The following PLEKHA7 variants were observed in gnomAD, a reference collection of about 807,000 sequenced individuals.
PLEKHA7 encodes the protein pleckstrin homology domain containing A7, also known as pleckstrin homology domain-containing family A member 7.
PLEKHA7 carries 104 observed loss-of-function variants against 170.0 expected under a neutral mutation model. That is an observed-to-expected ratio of 0.61 (90% confidence interval 0.52 to 0.72). The LOEUF (loss-of-function observed/expected upper bound fraction) is 0.72. PLEKHA7 is among the 30% of genes least tolerant of loss of function. PLEKHA7 has a pLI of 0.00. For missense variants in PLEKHA7, 1,615 were observed against 1,671.7 expected (o/e 0.97, Z 0.59); for synonymous variants, 648 against 660.8 (o/e 0.98, Z 0.30).
chr11:16,834,806 G>A (rs920256443), intron 9 of PLEKHA7, among the ~76,000 whole-genome samples: 1 of 152,160 alleles, frequency 6.6e-6, no homozygotes, highest in African/African-American at 2.4e-5. Flanking sequence ...ATGGCCAGTA[G>A]AAGAATATGG....
chr11:16,947,917 AAAAAAAAAAAAAAAAG>A (rs1281679872), intron 3 of PLEKHA7, among the ~76,000 whole-genome samples: 2 of 148,558 alleles, frequency 1.3e-5, no homozygotes, highest in Admixed American at 6.7e-5. Flanking sequence ...CTCCGTCTCA[AAAAAAAAAAAAAAAAG>A]AAAAAAAAGA....
intron 3 of PLEKHA7, among the ~76,000 whole-genome samples, chr11:16,921,441 C>T (rs1859084647): frequency 6.6e-6 from 1 of 152,114 alleles, no homozygotes; most frequent in Non-Finnish European, 1.5e-5. Context: ...CAGAGAGGGG[C>T]ACAAAAATAG....
intron 6 of PLEKHA7, among the ~76,000 whole-genome samples, chr11:16,853,377 A>AT (rs1173932302): frequency 1.3e-5 from 2 of 152,220 alleles, no homozygotes; most frequent in African/African-American, 2.4e-5. Flanking sequence ...TATCTGTTTC[A>AT]TCTTCTGCAA....
chr11:16,912,846 G>A (rs1349889402), intron 3 of PLEKHA7, among the ~76,000 whole-genome samples: 2 of 152,212 alleles, frequency 1.3e-5, no homozygotes, highest in Non-Finnish European at 2.9e-5. Flanking sequence ...TCTTTCCTGT[G>A]TGACTCGCTC....
chr11:16,967,097 A>C (rs747669939), intron 3 of PLEKHA7, among the ~76,000 whole-genome samples: 2 of 152,234 alleles, frequency 1.3e-5, no homozygotes, highest in Non-Finnish European at 2.9e-5. Context: ...ACAGAAATGC[A>C]GAAAGCATTC....
chr11:16,993,904 G>T (rs761575278), intron 3 of PLEKHA7, among the ~76,000 whole-genome samples: 1 of 152,194 alleles, frequency 6.6e-6, no homozygotes, highest in Non-Finnish European at 1.5e-5. Flanking sequence ...TTTAAGGAAG[G>T]GGGAGGAAAC....
chr11:16,978,741 C>T (rs953989755), intron 3 of PLEKHA7, among the ~76,000 whole-genome samples: 5 of 152,192 alleles, frequency 3.3e-5, no homozygotes, highest in African/African-American at 9.6e-5. Flanking sequence ...CCTGGAAGGA[C>T]GGAGTCACCA....
At chr11:16,899,617 C>A (rs1857204508) in intron 3 of PLEKHA7, among the ~76,000 whole-genome samples, 1 of 152,102 alleles carries the variant, frequency 6.6e-6, no homozygotes, top group East Asian at 1.9e-4. Flanking sequence ...AGGAATGAGG[C>A]CTGGGAAAGG....
chr11:16,860,362 G>A (rs974650994), intron 4 of PLEKHA7, among the ~76,000 whole-genome samples: 2 of 152,146 alleles, frequency 1.3e-5, no homozygotes, highest in Non-Finnish European at 2.9e-5. Context: ...GGTGGGTTTG[G>A]TCAATGAGAT....
chr11:16,866,598 A>T (rs963270876), intron 4 of PLEKHA7, among the ~76,000 whole-genome samples: 1 of 151,368 alleles, frequency 6.6e-6, no homozygotes, highest in African/African-American at 2.4e-5. Context: ...GTCTCAAAAA[A>T]CAAAAAAGAG....
chr11:16,897,089 A>G (rs1259919739), intron 3 of PLEKHA7, among the ~76,000 whole-genome samples: 6 of 152,206 alleles, frequency 3.9e-5, no homozygotes, highest in Non-Finnish European at 8.8e-5. Flanking sequence ...ACAGTTGCCA[A>G]AGTCTCATGC....
Position 16,817,766 on chromosome 11 carries a change from T to A in PLEKHA7, c.1344-444A>T, listed in dbSNP as rs1425978993. Among the ~76,000 whole-genome samples, 1 of 152,188 alleles carries A rather than the reference T, an allele frequency of 6.6e-6. No individual in the cohort carries two copies. The highest frequency in any genetic ancestry group is 1.5e-5 in the Non-Finnish European group (1 of 68,028). ...GGCATCAGTTCTCTTTTTTCTGGAC[T>A]CTTCTAGTCCAGATACTGATTAATT... On this transcript the variant is annotated intron_variant, in intron 10 of 26. Coordinates refer to ENST00000531066, the MANE Select transcript of PLEKHA7 (RefSeq NM_001329630.2). This position sits in a 1 kb window ranked among gnomAD's most constrained non-coding sequence, Gnocchi z 4.4.
At chr11:16,902,887 TAAC>T (rs561562206) in intron 3 of PLEKHA7, among the ~76,000 whole-genome samples, 46 of 152,350 alleles carry the variant, frequency 3.0e-4, no homozygotes, top group Middle Eastern at 6.8e-3. Flanking sequence ...CAGTTATTAT[TAAC>T]AACACCCTTA....
chr11:17,008,562 A>C (rs1865149790), intron 3 of PLEKHA7, among the ~76,000 whole-genome samples: 1 of 152,158 alleles, frequency 6.6e-6, no homozygotes, highest in Non-Finnish European at 1.5e-5. Flanking sequence ...CCCAGTAAGG[A>C]GTTTTCCAAG....
At chr11:16,795,214 G>C (rs1055063520) in intron 17 of PLEKHA7, 196 bp from the exon 18 acceptor site, 18 of 561,346 alleles carry the variant, frequency 3.2e-5, no homozygotes, top group African/African-American at 3.2e-4. Flanking sequence ...ACGATCCAGG[G>C]AGAAATTTCA....
chr11:16,829,858 TTTTTTC>T lies in PLEKHA7; in HGVS notation c.873-3274_873-3269del, dbSNP rs1318739914. Among the ~76,000 whole-genome samples, 1,339 of 137,440 alleles carry T rather than the reference TTTTTTC, an allele frequency of 9.7e-3. 25 individuals are homozygous for T. Among genetic ancestry groups the T allele is most frequent in the African/African-American group, 0.046 (1,273 of 27,886 alleles). 90.2% of individuals were successfully genotyped at this position (137,440 alleles called of 152,430 possible). A position where few individuals can be genotyped will look rare whatever the true frequency, so the allele number is the denominator to read the frequency against. Reference sequence around the variant, plus strand: ...GTACATATGACAGGTTTCTTTTTTCTTTTTTCTTTTTTTCACACGATAGGTTTTAGC... The same window carrying T: ...GTACATATGACAGGTTTCTTTTTTCTTTTTTTTCACACGATAGGTTTTAGC... On this transcript the variant is annotated intron_variant, in intron 9 of 26. Transcript: ENST00000531066.
chr11:16,822,502 GAAAAAAAAAA>G (rs775136335), intron 10 of PLEKHA7, among the ~76,000 whole-genome samples: 6 of 78,928 alleles, frequency 7.6e-5, no homozygotes, highest in Non-Finnish European at 1.3e-4. Flanking sequence ...TTTGGTAGGG[GAAAAAAAAAA>G]AAAAAAAAAA....
At chr11:16,887,661 G>T (rs1380243514) in intron 3 of PLEKHA7, among the ~76,000 whole-genome samples, 1 of 152,240 alleles carries the variant, frequency 6.6e-6, no homozygotes, top group African/African-American at 2.4e-5. Flanking sequence ...CTCCCGAAGT[G>T]CTGGAATTGC....
intron 3 of PLEKHA7, among the ~76,000 whole-genome samples, chr11:16,903,690 G>A (rs943472294): frequency 2.0e-5 from 3 of 152,168 alleles, no homozygotes; most frequent in Non-Finnish European, 4.4e-5. Flanking sequence ...AATAAAGATA[G>A]GCTCTTCTCA....
Sources: allele counts gnomAD v4.1 joint callset (sites outside exome capture counted in the v4.1 genomes callset), GRCh38; gene constraint gnomAD v4.1.1; non-coding constraint Gnocchi (gnomAD v3.1); transcripts MANE v1.5; gene names NCBI Gene and HGNC (gene_info 2026-07-23, HGNC 2026-07-21).